SUGCT: variants seen among roughly 807,000 people sequenced by gnomAD.
SUGCT encodes the protein succinyl-CoA:glutarate-CoA transferase.
SUGCT carries 41 observed loss-of-function variants against 55.0 expected under a neutral mutation model. The ratio of observed to expected loss-of-function variants is 0.74; its 90% CI spans 0.58 to 0.97. SUGCT has a LOEUF of 0.97. SUGCT is among the 50% of genes least tolerant of loss of function. The pLI is 0.00. For synonymous variants in SUGCT, 187 were observed against 200.4 expected (o/e 0.93, Z 0.56); for missense variants, 568 against 547.8 (o/e 1.04, Z -0.37).
At chr7:40,481,325 G>A (rs909238336) in intron 11 of SUGCT, among the ~76,000 whole-genome samples, 1 of 151,572 alleles carries the variant, frequency 6.6e-6, no homozygotes, top group African/African-American at 2.4e-5. Flanking sequence ...GTGACAGAGT[G>A]AGACCCTACC....
chr7:40,928,494 T>A, the SUGCT span, among the ~76,000 whole-genome samples: 1 of 152,198 alleles, frequency 6.6e-6, no homozygotes, highest in Non-Finnish European at 1.5e-5. Flanking sequence ...TTATAATATT[T>A]TTAAATGATT....
the SUGCT span, among the ~76,000 whole-genome samples, chr7:40,985,244 C>G: frequency 2.0e-5 from 3 of 152,106 alleles, 1 homozygote; most frequent in African/African-American, 7.2e-5. Context: ...TAGTGAGGAG[C>G]AGTTTGTGAT....
At chr7:40,381,774 A>C (rs369307726) in intron 9 of SUGCT, among the ~76,000 whole-genome samples, 4 of 152,272 alleles carry the variant, frequency 2.6e-5, no homozygotes, top group African/African-American at 9.6e-5. Context: ...ACACATCTAC[A>C]AACCCCATGA....
the SUGCT span, among the ~76,000 whole-genome samples, chr7:40,881,410 C>T: frequency 6.6e-6 from 1 of 152,136 alleles, no homozygotes; most frequent in African/African-American, 2.4e-5. Context: ...CAATGATGTA[C>T]AGAGATTTTA....
intron 9 of SUGCT, among the ~76,000 whole-genome samples, chr7:40,352,727 C>T (rs542392404): frequency 7.9e-5 from 12 of 152,196 alleles, no homozygotes; most frequent in East Asian, 7.7e-4. Context: ...GTGAGTAATG[C>T]GATGAACATA....
At chr7:40,977,423 TAA>T in the SUGCT span, among the ~76,000 whole-genome samples, 1 of 152,240 alleles carries the variant, frequency 6.6e-6, no homozygotes, top group Admixed American at 6.5e-5. Flanking sequence ...GTAGATTATT[TAA>T]AGTCTGTCAT....
the SUGCT span, among the ~76,000 whole-genome samples, chr7:40,953,072 G>C: frequency 6.6e-6 from 1 of 152,058 alleles, no homozygotes; most frequent in African/African-American, 2.4e-5. Flanking sequence ...CATTCTTCCC[G>C]TCCCTTTCAG....
At chr7:40,378,872 G>T (rs1420356297) in intron 9 of SUGCT, among the ~76,000 whole-genome samples, 1 of 152,142 alleles carries the variant, frequency 6.6e-6, no homozygotes, top group African/African-American at 2.4e-5. Context: ...GAGCTGAAAG[G>T]TGGCCCCTGA....
chr7:40,896,691 G>A, the SUGCT span, among the ~76,000 whole-genome samples: 5 of 152,126 alleles, frequency 3.3e-5, no homozygotes, highest in Admixed American at 1.3e-4. Context: ...CAGCCCCATG[G>A]AACTGTGAGT....
At chr7:40,198,139 A>G (rs1188139586) in intron 6 of SUGCT, among the ~76,000 whole-genome samples, 1 of 152,220 alleles carries the variant, frequency 6.6e-6, no homozygotes, top group Non-Finnish European at 1.5e-5. Context: ...CGTACCTCTC[A>G]TTATTCTATA....
chr7:40,445,822 TAATTATTAAAAAG>T (rs1420016238), intron 9 of SUGCT, among the ~76,000 whole-genome samples: 1 of 152,144 alleles, frequency 6.6e-6, no homozygotes, highest in Admixed American at 6.5e-5. Flanking sequence ...AGGGAACAAA[TAATTATTAAAAAG>T]AACTCCTAAT....
intron 13 of SUGCT, among the ~76,000 whole-genome samples, chr7:40,766,761 T>C (rs551771878): frequency 1.3e-5 from 2 of 152,324 alleles, no homozygotes; most frequent in African/African-American, 4.8e-5. Context: ...CCTATCCTCC[T>C]GGCCTATATA....
intron 8 of SUGCT, among the ~76,000 whole-genome samples, chr7:40,288,204 T>C (rs1457527309): frequency 6.6e-6 from 1 of 152,182 alleles, no homozygotes; most frequent in Non-Finnish European, 1.5e-5. Context: ...TTGAAAAGTA[T>C]TCCCTCCTCT....
intron 9 of SUGCT, among the ~76,000 whole-genome samples, chr7:40,439,066 A>ATG (rs1160638736): frequency 4.8e-4 from 10 of 20,918 alleles, no homozygotes; most frequent in South Asian, 1.4e-3. Flanking sequence ...TATATGGTGT[A>ATG]TATATATATA....
At chr7:40,741,734 A>G (rs968715622) in intron 12 of SUGCT, among the ~76,000 whole-genome samples, 6 of 152,236 alleles carry the variant, frequency 3.9e-5, no homozygotes, top group Non-Finnish European at 8.8e-5. Flanking sequence ...ACAATGGCAT[A>G]CTTCATATTA....
At chr7:40,270,853 T>A (rs948320658) in intron 7 of SUGCT, among the ~76,000 whole-genome samples, 1 of 151,868 alleles carries the variant, frequency 6.6e-6, no homozygotes, top group Non-Finnish European at 1.5e-5. Context: ...TTTGGTTTAT[T>A]TTTGTCTTAA....
chr7:40,385,891 C>T (rs186337722), intron 9 of SUGCT, among the ~76,000 whole-genome samples: 18 of 152,220 alleles, frequency 1.2e-4, no homozygotes, highest in African/African-American at 4.3e-4. Flanking sequence ...TCCTTTCTTG[C>T]CAATTTTGTT....
At chr7:40,885,201 A>G in the SUGCT span, among the ~76,000 whole-genome samples, 1 of 152,040 alleles carries the variant, frequency 6.6e-6, no homozygotes, top group African/African-American at 2.4e-5. Context: ...AGGCTGTAAT[A>G]CTTGCAGGCT....
At chr7:40,250,409 T>A (rs941369132) in intron 7 of SUGCT, among the ~76,000 whole-genome samples, 5 of 148,788 alleles carry the variant, frequency 3.4e-5, no homozygotes, top group East Asian at 1.9e-4. Context: ...TTTTTTTTTT[T>A]AAAGTAATTA....
Sources: allele counts gnomAD v4.1 joint callset (sites outside exome capture counted in the v4.1 genomes callset), GRCh38; gene constraint gnomAD v4.1.1; transcripts MANE v1.5; gene names NCBI Gene and HGNC (gene_info 2026-07-23, HGNC 2026-07-21).